Variants in CSMD1 observed in about 807,000 individuals in gnomAD.
CSMD1 encodes the protein CUB and Sushi multiple domains 1, also known as CUB and sushi domain-containing protein 1.
Under a neutral mutation model 417.5 loss-of-function variants are expected in CSMD1, and 213 were observed. The ratio of observed to expected loss-of-function variants is 0.51; its 90% CI spans 0.46 to 0.57. The LOEUF (loss-of-function observed/expected upper bound fraction) is 0.57. Ranked by LOEUF, CSMD1 falls within the 20% of genes least tolerant of loss-of-function variation. The pLI, the probability that CSMD1 is intolerant of heterozygous loss-of-function variation, is 0.00. For missense variants in CSMD1, 6,923 were observed against 4,529.7 expected (o/e 1.53, Z -15.17); for synonymous variants, 2,862 against 1,736.8 (o/e 1.65, Z -16.11).
At chr8:3,250,356 G>A (rs951519600) in intron 26 of CSMD1, among the ~76,000 whole-genome samples, 1 of 152,142 alleles carries the variant, frequency 6.6e-6, no homozygotes, top group Non-Finnish European at 1.5e-5. Context: ...ATGGTTTCCA[G>A]CTTCATCCCT....
intron 5 of CSMD1, among the ~76,000 whole-genome samples, chr8:3,784,177 T>C (rs1347707790): frequency 3.3e-5 from 5 of 152,340 alleles, no homozygotes; most frequent in South Asian, 4.1e-4. Flanking sequence ...GACATGTAAG[T>C]GTCACACCTT....
chr8:4,876,926 C>T (rs908966541), intron 1 of CSMD1, among the ~76,000 whole-genome samples: 20 of 152,046 alleles, frequency 1.3e-4, no homozygotes, highest in African/African-American at 4.1e-4. Context: ...TTCTCCTAAT[C>T]CATGCACACA....
intron 3 of CSMD1, among the ~76,000 whole-genome samples, chr8:4,227,936 C>T (rs535508093): frequency 4.6e-5 from 7 of 151,388 alleles, no homozygotes; most frequent in Non-Finnish European, 8.8e-5. Flanking sequence ...CACCTAGACA[C>T]ACACCCTCCA....
intron 2 of CSMD1, among the ~76,000 whole-genome samples, chr8:4,498,714 C>A (rs1019576366): frequency 6.6e-6 from 1 of 152,100 alleles, no homozygotes; most frequent in Non-Finnish European, 1.5e-5. Context: ...GTTAGCTAAG[C>A]CCTCTGAATG....
chr8:3,199,853 G>T (rs561622088), intron 32 of CSMD1, 44 bp from the exon 33 acceptor site: 1 of 1,174,986 alleles, frequency 8.5e-7, no homozygotes, highest in Non-Finnish European at 1.2e-6. Flanking sequence ...ACACAGCACC[G>T]TGGGGGACGG....
chr8:4,429,059 G>A (rs1023289780), intron 2 of CSMD1, among the ~76,000 whole-genome samples: 19 of 151,794 alleles, frequency 1.3e-4, no homozygotes, highest in African/African-American at 4.1e-4. Context: ...TACTTACAGT[G>A]TACAATACAA....
chr8:4,054,342 G>C (rs144302402), intron 3 of CSMD1, among the ~76,000 whole-genome samples: 88 of 152,236 alleles, frequency 5.8e-4, no homozygotes, highest in African/African-American at 2.0e-3. Context: ...GGAATGTGTG[G>C]TTTGATCTAT....
intron 3 of CSMD1, among the ~76,000 whole-genome samples, chr8:4,284,818 G>A (rs1796972841): frequency 1.3e-5 from 2 of 151,876 alleles, no homozygotes; most frequent in Admixed American, 1.3e-4. Flanking sequence ...CAATATATGT[G>A]GCCGTGTTCA....
chr8:3,549,309 T>A (rs992979159), intron 10 of CSMD1, among the ~76,000 whole-genome samples: 1 of 152,230 alleles, frequency 6.6e-6, no homozygotes, highest in African/African-American at 2.4e-5. Context: ...CCATTTATTA[T>A]CTTGCCCTTT....
chr8:3,055,715 C>CA (rs1812170337), intron 49 of CSMD1, among the ~76,000 whole-genome samples: 1 of 152,126 alleles, frequency 6.6e-6, no homozygotes, highest in Non-Finnish European at 1.5e-5. Flanking sequence ...TTTAGTTGTA[C>CA]TAAGGTATTA....
chr8:4,226,135 T>A (rs375837971), intron 3 of CSMD1, among the ~76,000 whole-genome samples: 1 of 150,682 alleles, frequency 6.6e-6, no homozygotes, highest in African/African-American at 2.4e-5. Flanking sequence ...CTTGCTAGCA[T>A]GAGAGTTTCA....
chr8:4,899,963 A>G (rs974851074), intron 1 of CSMD1, among the ~76,000 whole-genome samples: 1 of 152,198 alleles, frequency 6.6e-6, no homozygotes, highest in African/African-American at 2.4e-5. Flanking sequence ...TAGTTGTTAA[A>G]TAAATGGGTC....
At chr8:3,011,951 T>C (rs1808419850) in intron 52 of CSMD1, among the ~76,000 whole-genome samples, 1 of 152,204 alleles carries the variant, frequency 6.6e-6, no homozygotes, top group Non-Finnish European at 1.5e-5. Flanking sequence ...AGCAAGTGCC[T>C]GAGAGAGTGG....
At chr8:3,800,605 TG>T (rs759941505) in intron 5 of CSMD1, among the ~76,000 whole-genome samples, 1 of 152,166 alleles carries the variant, frequency 6.6e-6, no homozygotes, top group Non-Finnish European at 1.5e-5. Flanking sequence ...ATCTCCAATG[TG>T]TCAGTGTTGG....
chr8:3,700,679 C>T (rs1250158111), intron 7 of CSMD1: 1 of 152,154 alleles, frequency 6.6e-6, no homozygotes, highest in African/African-American at 2.4e-5. Context: ...TGTGATACGG[C>T]TTCTTTGGGA....
intron 8 of CSMD1, among the ~76,000 whole-genome samples, chr8:3,609,239 G>T (rs1801770597): frequency 6.6e-6 from 1 of 152,146 alleles, no homozygotes; most frequent in South Asian, 2.1e-4. Context: ...AGCACAGAAA[G>T]ACAGATGAAC....
At chr8:4,232,260 A>C (rs964745537) in intron 3 of CSMD1, among the ~76,000 whole-genome samples, 4 of 152,116 alleles carry the variant, frequency 2.6e-5, no homozygotes, top group Non-Finnish European at 2.9e-5. Context: ...GTGCAGTGGC[A>C]CGATCTTGGC....
Position 3,796,364 on chromosome 8 carries a change from GATATCTATCATGTATATAT to G in CSMD1, c.819-42341_819-42323del, listed in dbSNP as rs1202303065. On this transcript the variant is annotated intron_variant, in intron 5 of 69. Transcript: ENST00000635120. ...TATATATCTATCATGTATAGATATA[GATATCTATCATGTATATAT>G]ATATCTATCATGTATAGATATAGAT... Among the ~76,000 whole-genome samples, 188 of 69,810 alleles carry G rather than the reference GATATCTATCATGTATATAT, an allele frequency of 2.7e-3. 11 individuals carry two copies. The highest frequency in any genetic ancestry group is 5.7e-3 in the South Asian group (13 of 2,264). 45.8% of individuals were successfully genotyped at this position (69,810 alleles called of 152,430 possible).
In CSMD1 at chr8:3,189,957, G is replaced by T; in HGVS notation, c.5353C>A (p.Pro1785Thr). The change falls in exon 34 of 70, where the codon CCC (proline) becomes ACC (threonine). Residue 1785 changes from proline to threonine, a missense_variant. By Grantham distance (38) the Pro-to-Thr change is conservative. Coordinates refer to ENST00000635120, the MANE Select transcript of CSMD1 (RefSeq NM_033225.6). ...GSTALHCQSV[P>T]NALAQWNDTI... ...TCGTTCCACTGTGCCAAGGCGTTGG[G>T]CACGGACTGGCAGTGGAGCGCCGTG... is the stretch of plus-strand genomic sequence containing the variant. The T allele has an allele frequency of 6.3e-7, 1 of 1,597,588 alleles. No homozygotes were observed. The highest frequency in any genetic ancestry group is 8.5e-7 in the Non-Finnish European group (1 of 1,172,504).
Sources: gnomAD v4.1 joint callset for allele counts (sites outside exome capture counted in the v4.1 genomes callset) on GRCh38, gnomAD v4.1.1 for gene constraint, MANE v1.5 for transcripts, NCBI Gene and HGNC (gene_info 2026-07-23, HGNC 2026-07-21) for gene names.